IL17D: variants seen among roughly 807,000 people sequenced by gnomAD.
The protein encoded by IL17D is interleukin-17D.
Under a neutral mutation model 5.7 loss-of-function variants are expected in IL17D, and 10 were observed. The ratio of observed to expected loss-of-function variants is 1.75; its 90% confidence interval spans 1.08 to 2.97. The LOEUF (loss-of-function observed/expected upper bound fraction) is 2.97, where lower values mean the gene tolerates loss of function less well. IL17D is among the 30% of genes most tolerant of loss of function. IL17D has a pLI of 0.00. For synonymous variants in IL17D, 172 were observed against 141.7 expected, an observed-to-expected ratio of 1.21 and a Z score of -1.52; for missense variants, 354 against 292.7, an observed-to-expected ratio of 1.21 and a Z score of -1.53.
intron 1 of IL17D, among the ~76,000 whole-genome samples, chr13:20,709,063 ACT>A (rs764501929): frequency 2.7e-5 from 4 of 150,874 alleles, no homozygotes; most frequent in Non-Finnish European, 4.4e-5. Context: ...AGGTCAAATG[ACT>A]CAAACGCTTG....
chr13:20,704,236 G>T lies in IL17D; in HGVS notation c.235G>T (p.Asp79Tyr). 3 of 1,316,492 alleles carry T rather than the reference G, an allele frequency of 2.3e-6. No homozygotes were observed. Among genetic ancestry groups the T allele is most frequent in the South Asian group, 3.7e-5 (2 of 54,684 alleles). The allele number at this position is 1,316,492 out of a possible 1,614,324, so 81.6% of individuals were successfully genotyped here. The change falls in exon 1 of 2, where the codon GAC (aspartate) becomes TAC (tyrosine). Residue 79 changes from aspartate (D) to tyrosine (Y), a missense_variant. Transcript: ENST00000682841. ...ASCPAGGRPA[D>Y]RRFRPPTNLR... ...CTGCCCGGCAGGGGGCAGGCCCGCC[G>T]ACCGCCGCTTCCGGCCGCCCACCAA... is the stretch of plus-strand genomic sequence containing the variant.
intron 1 of IL17D, 37 bp downstream of exon 1, chr13:20,704,328 TGGGGAGGGCAGGGCTGGGC>T: frequency 3.4e-6 from 1 of 291,488 alleles, no homozygotes; most frequent in Non-Finnish European, 4.4e-6. Flanking sequence ...GCCCGGCAGG[TGGGGAGGGCAGGGCTGGGC>T]GGGGAGAGTG....
At position 20,716,745 on chromosome 13, in the gene IL17D, CG is replaced by C. The variant is rs1269621193; in HGVS notation, c.291-4889del. On this transcript the variant is annotated intron_variant, in intron 1 of 1. Transcript: ENST00000682841. The surrounding 1 kb of genome is among the most constrained non-coding windows in gnomAD (Gnocchi z 4.2). Reference sequence around the variant, plus strand: ...GCAGGCTGTCTCCACGGACACATTTCGGTGCTTGTGGGTTCTAGCCAAGATT... The same window carrying C: ...GCAGGCTGTCTCCACGGACACATTTCGTGCTTGTGGGTTCTAGCCAAGATT... 6.6e-6 allele frequency among the ~76,000 whole-genome samples: 1 copy of C among 152,232 alleles called. No homozygotes were observed. Among genetic ancestry groups the C allele is most frequent in the Non-Finnish European group, 1.5e-5 (1 of 68,038 alleles).
chr13:20,706,210 C>T (rs1594995644), intron 1 of IL17D, among the ~76,000 whole-genome samples: 1 of 152,214 alleles, frequency 6.6e-6, no homozygotes, highest in African/African-American at 2.4e-5. Flanking sequence ...ACACATGGCG[C>T]CATTCATTCT....
chr13:20,704,310 C>G lies in IL17D; in HGVS notation c.290+19C>G. On this transcript the variant is annotated intron_variant, in intron 1 of 1. Coordinates refer to ENST00000682841, the MANE Select transcript of IL17D (RefSeq NM_001385224.1). ...CCTACAGGTGAGCCGCGGGCGCGTC[C>G]TGGCGGGGCCCGGCAGGTGGGGAGG... 1 of 940,664 alleles carries G rather than the reference C, an allele frequency of 1.1e-6. No homozygotes were observed. The highest frequency in any genetic ancestry group is 1.3e-6 in the Non-Finnish European group (1 of 784,380). 58.3% of individuals were successfully genotyped at this position (940,664 alleles called of 1,614,324 possible).
intron 1 of IL17D, among the ~76,000 whole-genome samples, chr13:20,706,815 C>G (rs920241967): frequency 3.9e-5 from 6 of 152,202 alleles, no homozygotes; most frequent in African/African-American, 1.2e-4. Context: ...GAGAATGACA[C>G]ACAGGGTTCG....
At chr13:20,718,109 G>T (rs919704020) in intron 1 of IL17D, among the ~76,000 whole-genome samples, 1 of 152,012 alleles carries the variant, frequency 6.6e-6, no homozygotes, top group African/African-American at 2.4e-5. Flanking sequence ...TGCCTGACCC[G>T]CCCGCCCGCC....
chr13:20,707,440 CAAAAAAAAAAAA>C (rs57118714), intron 1 of IL17D, among the ~76,000 whole-genome samples: 5 of 75,842 alleles, frequency 6.6e-5, no homozygotes, highest in African/African-American at 2.1e-4. Context: ...GAACTTGTCT[CAAAAAAAAAAAA>C]AAAAAAAAAA....
intron 1 of IL17D, chr13:20,713,783 A>T (rs2058658637): frequency 6.6e-6 from 1 of 152,262 alleles, no homozygotes; most frequent in South Asian, 2.1e-4. Context: ...TCCAGAAGTG[A>T]CACATGAAAA....
At chr13:20,706,197 C>T (rs559382866) in intron 1 of IL17D, among the ~76,000 whole-genome samples, 2 of 152,220 alleles carry the variant, frequency 1.3e-5, no homozygotes, top group Non-Finnish European at 2.9e-5. Context: ...GCCTGCAGGG[C>T]ACACACATGG....
chr13:20,709,534 C>T (rs191518092), intron 1 of IL17D, among the ~76,000 whole-genome samples: 112 of 152,220 alleles, frequency 7.4e-4, no homozygotes, highest in African/African-American at 2.5e-3. Context: ...GCCATTTCTA[C>T]GTTAAAAGGG....
intron 1 of IL17D, among the ~76,000 whole-genome samples, chr13:20,709,140 CTTT>C (rs61612538): frequency 1.0e-4 from 14 of 137,234 alleles, no homozygotes; most frequent in Non-Finnish European, 1.4e-4. Flanking sequence ...CTAAGAAGCC[CTTT>C]TTTTTTTTTT....
chr13:20,721,514 G>A (rs908873384), intron 1 of IL17D, 122 bp from the exon 2 acceptor site: 1 of 754,292 alleles, frequency 1.3e-6, no homozygotes, highest in African/African-American at 1.8e-5. Flanking sequence ...TCGCACGCAC[G>A]CGCCCGCAGG....
intron 1 of IL17D, chr13:20,713,066 A>C (rs967111966): frequency 1.4e-5 from 2 of 147,158 alleles, no homozygotes; most frequent in African/African-American, 5.1e-5. Flanking sequence ...GTTATTTTCT[A>C]ATGTCTTAAA....
intron 1 of IL17D, among the ~76,000 whole-genome samples, chr13:20,715,317 G>A (rs2058670733): frequency 6.6e-6 from 1 of 152,138 alleles, no homozygotes; most frequent in African/African-American, 2.4e-5. Flanking sequence ...GTGCCTCCAG[G>A]GAAGCCATCC....
At chr13:20,709,105 C>A (rs2058614436) in intron 1 of IL17D, among the ~76,000 whole-genome samples, 1 of 150,244 alleles carries the variant, frequency 6.7e-6, no homozygotes. Flanking sequence ...CATCAGGCAT[C>A]AGTGAAGTGC....
chr13:20,716,737 A>G lies in IL17D; in HGVS notation c.291-4899A>G, dbSNP rs1238021125. 6.6e-6 allele frequency among the ~76,000 whole-genome samples: 1 copy of G among 152,188 alleles called. No individual in the cohort carries two copies. On this transcript the variant is annotated intron_variant, in intron 1 of 1. Transcript: ENST00000682841. This position sits in a 1 kb window ranked among gnomAD's most constrained non-coding sequence, Gnocchi z 4.2. ...CTACCGAGGCAGGCTGTCTCCACGG[A>G]CACATTTCGGTGCTTGTGGGTTCTA...
At chr13:20,703,381 C>A (rs2058559538), upstream of IL17D, 1 of 986,076 alleles carries the variant, frequency 1.0e-6, no homozygotes, top group Non-Finnish European at 1.2e-6. Context: ...GGTGCAGAGT[C>A]GCTCTGTGTC....
chr13:20,711,829 G>T (rs56156709), intron 1 of IL17D, among the ~76,000 whole-genome samples: 54,143 of 151,850 alleles, frequency 0.36, 11,016 homozygotes, highest in East Asian at 0.78. Flanking sequence ...TACAGATGTG[G>T]GATACAGACT....
Sources: allele counts gnomAD v4.1 joint callset (sites outside exome capture counted in the v4.1 genomes callset), GRCh38; gene constraint gnomAD v4.1.1; non-coding constraint Gnocchi (gnomAD v3.1); transcripts MANE v1.5; gene names NCBI Gene and HGNC (gene_info 2026-07-23, HGNC 2026-07-21).